GALNT13: variants seen among roughly 807,000 people sequenced by gnomAD.
GALNT13 encodes the protein polypeptide N-acetylgalactosaminyltransferase 13.
Under a neutral mutation model 64.2 loss-of-function variants are expected in GALNT13, and 28 were observed. The observed-to-expected ratio is 0.44, with a 90% CI of 0.32 to 0.60. GALNT13 has a LOEUF of 0.60. GALNT13 is among the 20% of genes least tolerant of loss of function. The pLI is 0.05. For synonymous variants in GALNT13, 214 were observed against 224.6 expected (o/e 0.95, Z 0.42); for missense variants, 577 against 669.8 (o/e 0.86, Z 1.53).
the GALNT13 span, among the ~76,000 whole-genome samples, chr2:153,601,132 A>T: frequency 6.6e-6 from 1 of 151,750 alleles, no homozygotes; most frequent in Non-Finnish European, 1.5e-5. Flanking sequence ...TCAAACATAC[A>T]TACATTCTTT....
At chr2:153,089,891 C>T in the GALNT13 span, among the ~76,000 whole-genome samples, 1 of 152,032 alleles carries the variant, frequency 6.6e-6, no homozygotes, top group Non-Finnish European at 1.5e-5. Flanking sequence ...CCTGCTGTCT[C>T]CTTGAGTATC....
the GALNT13 span, among the ~76,000 whole-genome samples, chr2:153,270,663 C>A: frequency 1.6e-3 from 247 of 152,128 alleles, 6 homozygotes; most frequent in East Asian, 0.042. Flanking sequence ...GAGTTTGAGA[C>A]CAGCGTGAGA....
chr2:154,039,500 G>A (rs1301707343), intron 3 of GALNT13, among the ~76,000 whole-genome samples: 7 of 139,984 alleles, frequency 5.0e-5, no homozygotes, highest in African/African-American at 1.5e-4. Flanking sequence ...TAAATTAAAT[G>A]AATCAGGCAC....
the GALNT13 span, among the ~76,000 whole-genome samples, chr2:153,120,008 G>A: frequency 6.0e-3 from 915 of 152,198 alleles, 10 homozygotes; most frequent in Middle Eastern, 0.027. Flanking sequence ...TTCCTTCTGG[G>A]AGAACTCAAC....
chr2:154,166,992 G>A (rs1559000151), intron 4 of GALNT13, among the ~76,000 whole-genome samples: 1 of 151,888 alleles, frequency 6.6e-6, no homozygotes, highest in Admixed American at 6.6e-5. Flanking sequence ...TGGGGGGAGT[G>A]GGGAGGGATA....
At chr2:153,111,859 C>T in the GALNT13 span, among the ~76,000 whole-genome samples, 5 of 152,118 alleles carry the variant, frequency 3.3e-5, no homozygotes, top group South Asian at 8.3e-4. Context: ...AACGTAAATG[C>T]TGCTGTGTTA....
the GALNT13 span, among the ~76,000 whole-genome samples, chr2:153,715,800 T>C: frequency 2.6e-5 from 4 of 151,846 alleles, no homozygotes; most frequent in Non-Finnish European, 4.4e-5. Context: ...TAGGTTTACA[T>C]GCTAGCTCCC....
the GALNT13 span, among the ~76,000 whole-genome samples, chr2:153,699,107 A>T: frequency 1.3e-5 from 2 of 152,278 alleles, no homozygotes; most frequent in African/African-American, 4.8e-5. Flanking sequence ...GCCTGTTCAC[A>T]GCTACTCGGG....
chr2:153,715,150 C>G, the GALNT13 span, among the ~76,000 whole-genome samples: 1 of 152,198 alleles, frequency 6.6e-6, no homozygotes, highest in Non-Finnish European at 1.5e-5. Flanking sequence ...AATCCAATTG[C>G]TGGCCTCACA....
chr2:153,752,482 T>G, the GALNT13 span, among the ~76,000 whole-genome samples: 3 of 152,142 alleles, frequency 2.0e-5, no homozygotes, highest in Non-Finnish European at 2.9e-5. Flanking sequence ...TTCTCCTTCA[T>G]GTTTTAAAAA....
chr2:154,025,100 C>G (rs1349847196), intron 3 of GALNT13, among the ~76,000 whole-genome samples: 1 of 152,168 alleles, frequency 6.6e-6, no homozygotes, highest in Non-Finnish European at 1.5e-5. Context: ...TCAGTCCGCC[C>G]CTACTGGGGG....
At chr2:153,675,770 G>A in the GALNT13 span, among the ~76,000 whole-genome samples, 1 of 152,022 alleles carries the variant, frequency 6.6e-6, no homozygotes, top group East Asian at 1.9e-4. Context: ...TGACTGTTGG[G>A]TAAACAGTGA....
the GALNT13 span, among the ~76,000 whole-genome samples, chr2:153,267,828 G>A: frequency 6.6e-6 from 1 of 152,180 alleles, no homozygotes; most frequent in African/African-American, 2.4e-5. Flanking sequence ...GCATCATCAG[G>A]CTGCAAATTT....
chr2:154,328,616 C>T (rs553677304), intron 9 of GALNT13, among the ~76,000 whole-genome samples: 2 of 152,204 alleles, frequency 1.3e-5, no homozygotes, highest in Non-Finnish European at 2.9e-5. Context: ...AAATGCTCCA[C>T]CCTACATCTA....
At chr2:153,663,044 G>C in the GALNT13 span, among the ~76,000 whole-genome samples, 1 of 152,058 alleles carries the variant, frequency 6.6e-6, no homozygotes, top group Non-Finnish European at 1.5e-5. Flanking sequence ...GTGAGAGGAA[G>C]GAAGAAGAAA....
chr2:153,504,990 C>A, the GALNT13 span, among the ~76,000 whole-genome samples: 1 of 152,096 alleles, frequency 6.6e-6, no homozygotes, highest in East Asian at 1.9e-4. Context: ...TGATAGAATT[C>A]AGCAGTAAAT....
At chr2:153,259,105 C>T in the GALNT13 span, among the ~76,000 whole-genome samples, 13 of 152,074 alleles carry the variant, frequency 8.5e-5, no homozygotes, top group African/African-American at 1.9e-4. Context: ...ATCTGAGGCT[C>T]CAGTGTTGGG....
the GALNT13 span, among the ~76,000 whole-genome samples, chr2:153,237,830 T>C: frequency 6.6e-6 from 1 of 152,102 alleles, no homozygotes; most frequent in African/African-American, 2.4e-5. Context: ...TAATTTCTTT[T>C]CTTTTGGGTA....
chr2:153,459,690 A>T, the GALNT13 span, among the ~76,000 whole-genome samples: 12 of 152,178 alleles, frequency 7.9e-5, no homozygotes, highest in Non-Finnish European at 1.5e-4. Context: ...ACACATAAGA[A>T]CTTTCTCACA....
Sources: gnomAD v4.1 joint callset for allele counts (sites outside exome capture counted in the v4.1 genomes callset) on GRCh38, gnomAD v4.1.1 for gene constraint, MANE v1.5 for transcripts, NCBI Gene and HGNC (gene_info 2026-07-23, HGNC 2026-07-21) for gene names.